The following TLR4 variants were observed in gnomAD, a reference collection of about 807,000 sequenced individuals.
TLR4 encodes toll-like receptor 4.
TLR4 carries 17 observed loss-of-function variants against 27.4 expected under a neutral mutation model. That is an observed-to-expected ratio of 0.62 (90% CI 0.42 to 0.93). TLR4 has a LOEUF of 0.93. Ranked by LOEUF, TLR4 falls within the 40% of genes least tolerant of loss-of-function variation. The pLI, the probability that TLR4 is intolerant of heterozygous loss-of-function variation, is 0.00. For synonymous variants in TLR4, 363 were observed against 365.7 expected (o/e 0.99, Z 0.08); for missense variants, 926 against 962.3 (o/e 0.96, Z 0.50).
Position 117,724,099 on chromosome 9 carries a change from T to C in TLR4, c.*9451T>C, listed in dbSNP as rs1829452855. On this transcript the variant is annotated 3_prime_UTR_variant, in exon 3 of 3. Transcript: ENST00000355622. ...TAGGGCTGCTATCATCCTTCATCCT[T>C]ATGCCACTGCAAATAGCAACCAACA... is the stretch of plus-strand genomic sequence containing the variant. The C allele has an allele frequency of 6.6e-6, 1 of 152,212 alleles. No homozygotes were observed. The highest frequency in any genetic ancestry group is 2.1e-4 in the South Asian group (1 of 4,832). The allele number at this position is 152,212 out of a possible 1,614,324, so 9.4% of individuals were successfully genotyped here.
chr9:117,713,813 A>G lies in TLR4; in HGVS notation c.1685A>G (p.Gln562Arg), dbSNP rs149793266. Residue 562 changes from glutamine to arginine, a missense_variant, in exon 3 of 3, where the codon CAG becomes CGG. Gln to Arg is a conservative substitution (Grantham distance 43, BLOSUM62 1). Coordinates refer to ENST00000355622, the MANE Select transcript of TLR4 (RefSeq NM_138554.5). Reference protein sequence around the residue: ...SLNHIMTSKKQELQHFPSSLA... With the variant: ...SLNHIMTSKKRELQHFPSSLA... ...AATCACATAATGACTTCCAAAAAAC[A>G]GGAACTACAGCATTTTCCAAGTAGT... is the stretch of plus-strand genomic sequence containing the variant. 4.3e-6 allele frequency: 7 copies of G among 1,613,912 alleles called. No individual in the cohort carries two copies. The Admixed American group carries it at 1.2e-4, about 27-fold the overall frequency.
chr9:117,705,026 T>C (rs1186229055), intron 1 of TLR4, among the ~76,000 whole-genome samples: 1 of 152,114 alleles, frequency 6.6e-6, no homozygotes, highest in African/African-American at 2.4e-5. Flanking sequence ...TGTGTGTGTC[T>C]CTAGAGAAAG....
intron 2 of TLR4, 67 bp downstream of exon 2, chr9:117,708,796 A>G: frequency 6.3e-7 from 1 of 1,597,648 alleles, no homozygotes; most frequent in African/African-American, 1.3e-5. Flanking sequence ...TCATTATTGG[A>G]CTGGAAAGCT....
In TLR4 at chr9:117,713,026, A is replaced by T; in HGVS notation, c.898A>T (p.Ile300Phe). 1 of 1,614,042 alleles carries T rather than the reference A, an allele frequency of 6.2e-7. No homozygotes were observed. The highest frequency in any genetic ancestry group is 8.5e-7 in the Non-Finnish European group (1 of 1,179,952). ...LAYLDYYLDDIIDLFNCLTNV... is the reference protein window; with the variant it reads ...LAYLDYYLDDFIDLFNCLTNV... ...ATACTTAGACTACTACCTCGATGATATTATTGACTTATTTAATTGTTTGAC... is the reference window on the plus strand; with the variant it reads ...ATACTTAGACTACTACCTCGATGATTTTATTGACTTATTTAATTGTTTGAC... Residue 300 changes from isoleucine (I) to phenylalanine (F), a missense_variant, in exon 3 of 3, where the codon ATT becomes TTT. Physicochemically the swap from Ile to Phe is conservative, Grantham distance 21. Transcript: ENST00000355622.
chr9:117,708,953 G>A, intron 2 of TLR4: 2 of 522,630 alleles, frequency 3.8e-6, no homozygotes, highest in East Asian at 3.5e-5. Flanking sequence ...CAGCTTCTAA[G>A]GGCAATTCTA....
chr9:117,720,631 G>C lies in TLR4; in HGVS notation c.*5983G>C, dbSNP rs965105449. On this transcript the variant is annotated 3_prime_UTR_variant, in exon 3 of 3. Coordinates refer to ENST00000355622, the MANE Select transcript of TLR4 (RefSeq NM_138554.5). ...AAATTAAACTCACGTTTAGGAGAAA[G>C]GATTGTGTTGTATGCTCCTAGGAAA... The C allele has an allele frequency of 1.3e-5, 2 of 152,188 alleles. No individual in the cohort carries two copies. The highest frequency in any genetic ancestry group is 4.8e-5 in the African/African-American group (2 of 41,444). The allele number at this position is 152,188 out of a possible 1,614,324, so 9.4% of individuals were successfully genotyped here.
chr9:117,708,893 A>C, intron 2 of TLR4, 164 bp downstream of exon 2: 1 of 823,528 alleles, frequency 1.2e-6, no homozygotes, highest in South Asian at 1.8e-5. Flanking sequence ...AGCTACCTCT[A>C]TTCTCCAGGT....
chr9:117,712,581 T>C lies in TLR4; in HGVS notation c.453T>C (p.Thr151=), dbSNP rs1435778535. The C allele has an allele frequency of 6.2e-7, 1 of 1,613,916 alleles. No homozygotes were observed. Among genetic ancestry groups the C allele is most frequent in the Non-Finnish European group, 8.5e-7 (1 of 1,179,978 alleles). Residue 151 remains threonine, a synonymous_variant, in exon 3 of 3, where the codon ACT becomes ACC. Transcript: ENST00000355622. ...LENFPIGHLK[T]LKELNVAHNL... ...ACTTCCCCATTGGACATCTCAAAAC[T>C]TTGAAAGAACTTAATGTGGCTCACA...
intron 1 of TLR4, among the ~76,000 whole-genome samples, chr9:117,705,193 T>C (rs899353715): frequency 6.6e-6 from 1 of 152,202 alleles, no homozygotes; most frequent in Non-Finnish European, 1.5e-5. Flanking sequence ...AGTTTCTTTC[T>C]TAGTGAAATA....
In TLR4 at chr9:117,714,786, G is replaced by A. The variant is rs933777138; in HGVS notation, c.*138G>A. ...AATTCCATGGTGCACTAGATATGCA[G>A]GGCTGCTAATCTCAAGGAGCTTCCA... On this transcript the variant is annotated 3_prime_UTR_variant, in exon 3 of 3. Coordinates refer to ENST00000355622, the MANE Select transcript of TLR4 (RefSeq NM_138554.5). The A allele has an allele frequency of 2.6e-6, 2 of 766,974 alleles. No individual in the cohort carries two copies. Among genetic ancestry groups the A allele is most frequent in the East Asian group, 2.7e-5 (1 of 37,440 alleles). 47.5% of individuals were successfully genotyped at this position (766,974 alleles called of 1,614,324 possible).
chr9:117,705,118 G>A (rs1461236560), intron 1 of TLR4, among the ~76,000 whole-genome samples: 1 of 151,266 alleles, frequency 6.6e-6, no homozygotes, highest in Admixed American at 6.6e-5. Context: ...GAATGAAAAA[G>A]GAAAAGAGAG....
chr9:117,713,742 T>C lies in TLR4; in HGVS notation c.1614T>C (p.Phe538=). 1 of 1,614,018 alleles carries C rather than the reference T, an allele frequency of 6.2e-7. No individual in the cohort carries two copies. Among genetic ancestry groups the C allele is most frequent in the South Asian group, 1.1e-5 (1 of 91,082 alleles). Residue 538 remains phenylalanine, a synonymous_variant, in exon 3 of 3, where the codon TTT becomes TTC. Coordinates refer to ENST00000355622, the MANE Select transcript of TLR4 (RefSeq NM_138554.5). ...SHNNFFSLDT[F]PYKCLNSLQV... is the part of the protein sequence containing the mutation. ...ACAACTTCTTTTCATTGGATACGTTTCCTTATAAGTGTCTGAACTCCCTCC... is the reference window on the plus strand; with the variant it reads ...ACAACTTCTTTTCATTGGATACGTTCCCTTATAAGTGTCTGAACTCCCTCC...
Position 117,721,608 on chromosome 9 carries a change from CTA to C in TLR4, c.*6962_*6963del, listed in dbSNP as rs1277517446. On this transcript the variant is annotated 3_prime_UTR_variant, in exon 3 of 3. Transcript: ENST00000355622. ...CACTTAATGACTTTCATTCTGCTAT[CTA>C]TGTGTCTGTGTATCTAGGTACTAAT... is the stretch of plus-strand genomic sequence containing the variant. 2 of 152,176 alleles carry C rather than the reference CTA, an allele frequency of 1.3e-5. No homozygotes were observed. The highest frequency in any genetic ancestry group is 2.4e-5 in the African/African-American group (1 of 41,440). The allele number at this position is 152,176 out of a possible 1,614,324, so 9.4% of individuals were successfully genotyped here.
Position 117,708,679 on chromosome 9 carries a change from C to A in TLR4, c.210C>A (p.Gly70=), listed in dbSNP as rs958681405. 2 of 1,613,810 alleles carry A rather than the reference C, an allele frequency of 1.2e-6. No individual in the cohort carries two copies. Among genetic ancestry groups the A allele is most frequent in the African/African-American group, 2.7e-5 (2 of 74,902 alleles). ...DLSFNPLRHL[G]SYSFFSFPEL... ...GCTTTAATCCCCTGAGGCATTTAGGCAGCTATAGCTTCTTCAGTTTCCCAG... is the reference window on the plus strand; with the variant it reads ...GCTTTAATCCCCTGAGGCATTTAGGAAGCTATAGCTTCTTCAGTTTCCCAG... Residue 70 remains glycine (G), a synonymous_variant, in exon 2 of 3, where the codon GGC becomes GGA. Transcript: ENST00000355622.
Position 117,713,479 on chromosome 9 carries a change from T to C in TLR4, c.1351T>C (p.Tyr451His). Reference protein sequence around the residue: ...SVFLSLRNLIYLDISHTHTRV... With the variant: ...SVFLSLRNLIHLDISHTHTRV... ...ATTCCTATCACTCAGAAACCTCATT[T>C]ACCTTGACATTTCTCATACTCACAC... Residue 451 changes from tyrosine (Y) to histidine (H), a missense_variant, in exon 3 of 3, where the codon TAC becomes CAC. Coordinates refer to ENST00000355622, the MANE Select transcript of TLR4 (RefSeq NM_138554.5). 1 of 1,614,144 alleles carries C rather than the reference T, an allele frequency of 6.2e-7. No individual in the cohort carries two copies. The highest frequency in any genetic ancestry group is 1.1e-5 in the South Asian group (1 of 91,084).
rs973381037 is a variant in TLR4 at position 117,724,721 on chromosome 9, C to G, written c.*10073C>G. On this transcript the variant is annotated 3_prime_UTR_variant, in exon 3 of 3. Transcript: ENST00000355622. ...TACACGGAAATAAAGTTCTCACTTT[C>G]TTTTTTCTCCTTGAGAGTGTTCTTT... is the stretch of plus-strand genomic sequence containing the variant. 6 of 152,004 alleles carry G rather than the reference C, an allele frequency of 3.9e-5. No homozygotes were observed. Among genetic ancestry groups the G allele is most frequent in the Non-Finnish European group, 7.4e-5 (5 of 68,010 alleles). The allele number at this position is 152,004 out of a possible 1,614,324, so 9.4% of individuals were successfully genotyped here.
chr9:117,717,784 C>T lies in TLR4; in HGVS notation c.*3136C>T, dbSNP rs575807876. The T allele has an allele frequency of 1.3e-5, 2 of 152,040 alleles. No homozygotes were observed. Among genetic ancestry groups the T allele is most frequent in the Non-Finnish European group, 1.5e-5 (1 of 67,998 alleles). The allele number at this position is 152,040 out of a possible 1,614,324, so 9.4% of individuals were successfully genotyped here. A position where few individuals can be genotyped will look rare whatever the true frequency, so the allele number is the denominator to read the frequency against. On this transcript the variant is annotated 3_prime_UTR_variant, in exon 3 of 3. Transcript: ENST00000355622. ...CATACAACTTGGAATATTTCAAGGCCGAAATATTCAAGGCTGACATTGGCC... is the reference window on the plus strand; with the variant it reads ...CATACAACTTGGAATATTTCAAGGCTGAAATATTCAAGGCTGACATTGGCC...
rs940391730 is a variant in TLR4, at chr9:117,717,893, T to C, written c.*3245T>C. The C allele has an allele frequency of 3.9e-5, 6 of 152,078 alleles. No homozygotes were observed. The East Asian group carries it at 1.2e-3, about 29-fold the overall frequency. 9.4% of individuals were successfully genotyped at this position (152,078 alleles called of 1,614,324 possible). A position where few individuals can be genotyped will look rare whatever the true frequency, so the allele number is the denominator to read the frequency against. On this transcript the variant is annotated 3_prime_UTR_variant, in exon 3 of 3. Transcript: ENST00000355622. ...CAAGCAGGGAAAGAAATTATATGCA[T>C]AGAACAGAAGGAGAAGAAAGAGTAA...
rs1472548742 is a variant in TLR4, at chr9:117,723,176, A to G, written c.*8528A>G. On this transcript the variant is annotated 3_prime_UTR_variant, in exon 3 of 3. Transcript: ENST00000355622. ...ATGTCCATTCCAGGAATTCTATTCT[A>G]TGATTAGAGGTGTAACTTCATCATC... The G allele has an allele frequency of 6.6e-6, 1 of 152,202 alleles. No homozygotes were observed. Among genetic ancestry groups the G allele is most frequent in the Non-Finnish European group, 1.5e-5 (1 of 68,040 alleles). The allele number at this position is 152,202 out of a possible 1,614,324, so 9.4% of individuals were successfully genotyped here.
Sources: gnomAD v4.1 joint callset for allele counts (sites outside exome capture counted in the v4.1 genomes callset) on GRCh38, gnomAD v4.1.1 for gene constraint, MANE v1.5 for transcripts, NCBI Gene and HGNC (gene_info 2026-07-23, HGNC 2026-07-21) for gene names.